The following KLHL4 variants were observed in gnomAD, a reference collection of about 807,000 sequenced individuals.
KLHL4 encodes the protein kelch like family member 4, also known as kelch-like protein 4.
KLHL4 carries 17 observed loss-of-function variants against 45.8 expected under a neutral mutation model. The ratio of observed to expected loss-of-function variants is 0.37; its 90% CI spans 0.25 to 0.56. The LOEUF (loss-of-function observed/expected upper bound fraction) is 0.56. Among genes scored for constraint, KLHL4 ranks in the 20% least tolerant of loss-of-function variants. The probability of loss-of-function intolerance (pLI) is 0.79; values close to 1 mark genes in which losing one functional copy is unlikely to be tolerated. For missense variants in KLHL4, 544 were observed against 544.9 expected (o/e 1.00, Z 0.02); for synonymous variants, 224 against 189.9 (o/e 1.18, Z -1.47).
intron 1 of KLHL4, among the ~76,000 whole-genome samples, chrX:87,582,175 GACA>G (rs1290291380): frequency 2.7e-5 from 3 of 111,696 alleles, no homozygotes; most frequent in Non-Finnish European, 3.8e-5. Flanking sequence ...CCCCTGCAAG[GACA>G]ACAAGTTAAT....
chrX:87,647,387 A>G (rs1923672194), intron 9 of KLHL4, among the ~76,000 whole-genome samples: 1 of 112,101 alleles, frequency 8.9e-6, no homozygotes, highest in Non-Finnish European at 1.9e-5. Context: ...ACTCCTGGGT[A>G]TCTATCGAGA....
rs934579257 is a variant in KLHL4, at chrX:87,667,635, G to A, written c.*1101G>A. On this transcript the variant is annotated 3_prime_UTR_variant, in exon 11 of 11. Coordinates refer to ENST00000373119, the MANE Select transcript of KLHL4 (RefSeq NM_019117.5). ...GTTAAGTTTTAAAATAACAAAAATG[G>A]CTAGTTGAATAGTATTTTATGTGTA... 2.4e-5 allele frequency: 14 copies of A among 579,292 alleles called. No homozygotes were observed. Among genetic ancestry groups the A allele is most frequent in the Non-Finnish European group, 2.9e-5 (14 of 481,290 alleles). 47.7% of individuals were successfully genotyped at this position (579,292 alleles called of 1,213,427 possible). A position where few individuals can be genotyped will look rare whatever the true frequency, so the allele number is the denominator to read the frequency against.
intron 1 of KLHL4, among the ~76,000 whole-genome samples, chrX:87,580,603 A>G (rs1462457173): frequency 1.8e-5 from 2 of 111,763 alleles, no homozygotes; most frequent in African/African-American, 6.5e-5. Flanking sequence ...TTAAGTCAAA[A>G]AGTGTCACAA....
Position 87,607,504 on chromosome X carries a change from G to C in KLHL4, c.423-6373G>C, listed in dbSNP as rs543190350. ...GTAGCATAATCAGAATCACATACCT[G>C]CATATGCCCTTAAATTCTCTTCTTC... On this transcript the variant is annotated intron_variant, in intron 1 of 10. Coordinates refer to ENST00000373119, the MANE Select transcript of KLHL4 (RefSeq NM_019117.5). 2.7e-5 allele frequency among the ~76,000 whole-genome samples: 3 copies of C among 111,450 alleles called. No individual in the cohort carries two copies. The South Asian group carries it at 1.1e-3, about 42-fold the overall frequency.
intron 1 of KLHL4, among the ~76,000 whole-genome samples, chrX:87,518,985 A>C (rs186005063): frequency 8.9e-6 from 1 of 112,007 alleles, no homozygotes; most frequent in Non-Finnish European, 1.9e-5. Flanking sequence ...TTGAATAAAC[A>C]GTGACGATAT....
Position 87,594,186 on chromosome X carries a change from A to G in KLHL4, c.423-19691A>G, listed in dbSNP as rs778704969. Among the ~76,000 whole-genome samples, 5 of 111,967 alleles carry G rather than the reference A, an allele frequency of 4.5e-5. No individual in the cohort carries two copies. The Admixed American group carries it at 4.8e-4, about 11-fold the overall frequency. On this transcript the variant is annotated intron_variant, in intron 1 of 10. Transcript: ENST00000373119. The stretch of plus-strand genomic sequence containing the variant: ...TGGCTCTGTTCAAGCAGTTAAATAA[A>G]CTTTGCCAGCTTCAATTCTTTACAT...
chrX:87,518,845 G>A (rs1326035531), intron 1 of KLHL4, among the ~76,000 whole-genome samples: 1 of 111,863 alleles, frequency 8.9e-6, no homozygotes, highest in East Asian at 2.8e-4. Context: ...ATTTCAAGTT[G>A]TATTACTTTC....
intron 1 of KLHL4, among the ~76,000 whole-genome samples, chrX:87,544,798 G>T (rs987558041): frequency 9.0e-6 from 1 of 111,530 alleles, no homozygotes; most frequent in Non-Finnish European, 1.9e-5. Flanking sequence ...GCACTCAAGT[G>T]CTTTTAAATA....
At chrX:87,531,900 A>G (rs1387535054) in intron 1 of KLHL4, among the ~76,000 whole-genome samples, 4 of 100,072 alleles carry the variant, frequency 4.0e-5, no homozygotes, top group Non-Finnish European at 8.0e-5. Context: ...GAAAATGGCC[A>G]TACTGCCCAA....
rs767836071 is a variant in KLHL4 at position 87,667,449 on chromosome X, A to T, written c.*915A>T. 65 of 694,236 alleles carry T rather than the reference A, an allele frequency of 9.4e-5. No individual in the cohort carries two copies. In the African/African-American group the frequency reaches 1.5e-3, roughly 16 times the overall value. 57.2% of individuals were successfully genotyped at this position (694,236 alleles called of 1,213,427 possible). A position where few individuals can be genotyped will look rare whatever the true frequency, so the allele number is the denominator to read the frequency against. On this transcript the variant is annotated 3_prime_UTR_variant, in exon 11 of 11. Coordinates refer to ENST00000373119, the MANE Select transcript of KLHL4 (RefSeq NM_019117.5). ...TTTTTAAAGTACCTTAAAATTGAGG[A>T]TGTTACTCAGTGTTAACACATGGGA...
intron 1 of KLHL4, among the ~76,000 whole-genome samples, chrX:87,567,304 AG>A (rs1353683588): frequency 8.9e-6 from 1 of 111,895 alleles, no homozygotes; most frequent in Admixed American, 9.5e-5. Flanking sequence ...AATAAAAAAA[AG>A]AAAGTGACAA....
intron 1 of KLHL4, among the ~76,000 whole-genome samples, chrX:87,582,559 C>T (rs1467791793): frequency 8.9e-6 from 1 of 112,080 alleles, no homozygotes; most frequent in Non-Finnish European, 1.9e-5. Flanking sequence ...GAAACCTCAC[C>T]ACGAAAGAAC....
intron 1 of KLHL4, among the ~76,000 whole-genome samples, chrX:87,553,102 A>T (rs1489854833): frequency 9.0e-6 from 1 of 110,747 alleles, no homozygotes; most frequent in Non-Finnish European, 1.9e-5. Context: ...ATCCACAATA[A>T]TTAAAAATAA....
At chrX:87,537,801 G>A (rs751652003) in intron 1 of KLHL4, among the ~76,000 whole-genome samples, 7 of 110,954 alleles carry the variant, frequency 6.3e-5, no homozygotes, top group Non-Finnish European at 1.3e-4. Flanking sequence ...AAAAAAGAGG[G>A]ATATTGGAAA....
chrX:87,581,710 C>A (rs1440081278), intron 1 of KLHL4, among the ~76,000 whole-genome samples: 1 of 111,926 alleles, frequency 8.9e-6, no homozygotes, highest in Non-Finnish European at 1.9e-5. Context: ...CAAAGGTAAG[C>A]AATCTCAAAA....
chrX:87,647,398 G>C (rs1484840860), intron 9 of KLHL4, among the ~76,000 whole-genome samples: 4 of 111,700 alleles, frequency 3.6e-5, no homozygotes, highest in African/African-American at 1.3e-4. Context: ...TCTATCGAGA[G>C]GAAAAGAAGT....
At chrX:87,582,138 A>G (rs748742071) in intron 1 of KLHL4, among the ~76,000 whole-genome samples, 7 of 111,996 alleles carry the variant, frequency 6.3e-5, no homozygotes, top group African/African-American at 2.3e-4. Context: ...TTCTGAAGTA[A>G]GACAGGCAGA....
rs2370008 is a variant in KLHL4 at position 87,605,399 on chromosome X, G to C, written c.423-8478G>C. ...TTAATTCTTTCAATCTGTTAACATG[G>C]GATATCTTTCCATTTTTTCATGTCT... is the stretch of plus-strand genomic sequence containing the variant. On this transcript the variant is annotated intron_variant, in intron 1 of 10. Coordinates refer to ENST00000373119, the MANE Select transcript of KLHL4 (RefSeq NM_019117.5). Among the ~76,000 whole-genome samples, 463 of 109,711 alleles carry C rather than the reference G, an allele frequency of 4.2e-3. 1 individual carries two copies. Among genetic ancestry groups the C allele is most frequent in the African/African-American group, 0.015 (439 of 30,272 alleles).
intron 1 of KLHL4, among the ~76,000 whole-genome samples, chrX:87,529,776 C>T (rs12855301): frequency 0.24 from 26,709 of 110,478 alleles, 2,466 homozygotes; most frequent in Non-Finnish European, 0.29. Context: ...GAATAAAGAC[C>T]GTGTCAAATG....
Sources: allele counts gnomAD v4.1 joint callset (sites outside exome capture counted in the v4.1 genomes callset), GRCh38; gene constraint gnomAD v4.1.1; transcripts MANE v1.5; gene names NCBI Gene and HGNC (gene_info 2026-07-23, HGNC 2026-07-21).